Variants in BRINP3 observed in about 807,000 individuals in gnomAD.
BRINP3 encodes the protein BMP/retinoic acid inducible neural specific 3, also known as BMP/retinoic acid-inducible neural-specific protein 3.
Under a neutral mutation model 71.0 loss-of-function variants are expected in BRINP3, and 19 were observed. That is an observed-to-expected ratio of 0.27 (90% CI 0.19 to 0.39). The LOEUF (loss-of-function observed/expected upper bound fraction) is 0.39. BRINP3 is among the 10% of genes least tolerant of loss of function. BRINP3 has a pLI of 1.00. For missense variants in BRINP3, 959 were observed against 940.8 expected, an observed-to-expected ratio of 1.02 and a Z score of -0.25; for synonymous variants, 380 against 337.7, an observed-to-expected ratio of 1.13 and a Z score of -1.37.
intron 2 of BRINP3, among the ~76,000 whole-genome samples, chr1:190,314,579 G>A (rs1665756151): frequency 6.6e-6 from 1 of 152,154 alleles, no homozygotes; most frequent in South Asian, 2.1e-4. Context: ...GCCAAGAGAT[G>A]TCAGTGGCCT....
intron 2 of BRINP3, among the ~76,000 whole-genome samples, chr1:190,355,146 G>A (rs1374334025): frequency 6.6e-6 from 1 of 151,742 alleles, no homozygotes; most frequent in African/African-American, 2.4e-5. Context: ...TTAATAAACA[G>A]ATAGTATTAA....
At chr1:190,099,593 GC>G (rs1411809460) in intron 7 of BRINP3, among the ~76,000 whole-genome samples, 1 of 152,088 alleles carries the variant, frequency 6.6e-6, no homozygotes, top group African/African-American at 2.4e-5. Context: ...TTTACTCTTA[GC>G]TTTATAAACC....
chr1:190,343,884 T>C (rs1667833975), intron 2 of BRINP3, among the ~76,000 whole-genome samples: 1 of 151,702 alleles, frequency 6.6e-6, no homozygotes, highest in African/African-American at 2.4e-5. Flanking sequence ...CTTATTCCTA[T>C]AGACTTGTTC....
At chr1:190,322,352 C>T (rs1005358513) in intron 2 of BRINP3, among the ~76,000 whole-genome samples, 1 of 152,050 alleles carries the variant, frequency 6.6e-6, no homozygotes, top group Non-Finnish European at 1.5e-5. Context: ...CTGAGGATTG[C>T]TTTGCTCTCA....
chr1:190,333,643 G>T (rs1186300770), intron 2 of BRINP3, among the ~76,000 whole-genome samples: 1 of 151,842 alleles, frequency 6.6e-6, no homozygotes. Context: ...TCTATGAATA[G>T]CTTGTAGGAC....
intron 7 of BRINP3, among the ~76,000 whole-genome samples, chr1:190,144,770 C>T (rs1234381551): frequency 1.3e-5 from 2 of 152,052 alleles, no homozygotes; most frequent in Non-Finnish European, 2.9e-5. Flanking sequence ...TCCCCAATAA[C>T]TCTTTGACTA....
At chr1:190,156,338 G>A (rs1442200234) in intron 7 of BRINP3, among the ~76,000 whole-genome samples, 1 of 151,918 alleles carries the variant, frequency 6.6e-6, no homozygotes, top group African/African-American at 2.4e-5. Context: ...AAAAGTTCAA[G>A]GGAATGACTG....
At chr1:190,278,790 A>G (rs549133334) in intron 3 of BRINP3, among the ~76,000 whole-genome samples, 8 of 151,784 alleles carry the variant, frequency 5.3e-5, no homozygotes, top group African/African-American at 1.9e-4. Flanking sequence ...TCATTTAGAG[A>G]GAGCATACTG....
intron 2 of BRINP3, among the ~76,000 whole-genome samples, chr1:190,384,906 A>G (rs1447359502): frequency 6.6e-6 from 1 of 152,048 alleles, no homozygotes; most frequent in Non-Finnish European, 1.5e-5. Flanking sequence ...GCCCTCAGAA[A>G]TAATGCCACA....
intron 6 of BRINP3, among the ~76,000 whole-genome samples, chr1:190,183,044 T>C (rs941885685): frequency 8.5e-5 from 13 of 152,122 alleles, no homozygotes; most frequent in African/African-American, 2.9e-4. Context: ...TAAATGAGCG[T>C]AGAAGTACAC....
intron 2 of BRINP3, among the ~76,000 whole-genome samples, chr1:190,357,905 G>A (rs1156609768): frequency 6.6e-6 from 1 of 151,922 alleles, no homozygotes; most frequent in East Asian, 1.9e-4. Context: ...AACAAGAAAT[G>A]GGGAAACGAT....
rs149364480 is a variant in BRINP3 at position 190,398,981 on chromosome 1, T to C, written c.236+55674A>G. 2.5e-3 allele frequency among the ~76,000 whole-genome samples: 375 copies of C among 152,168 alleles called. 3 individuals are homozygous for C. Among genetic ancestry groups the C allele is most frequent in the Non-Finnish European group, 2.1e-3 (144 of 67,904 alleles). Reference sequence around the variant, plus strand: ...GACTTTATTAAAGAGTGGTCATATGTCCATCATTGGTCAGGTTTCATGGCT... The same window carrying C: ...GACTTTATTAAAGAGTGGTCATATGCCCATCATTGGTCAGGTTTCATGGCT... On this transcript the variant is annotated intron_variant, in intron 2 of 7. Coordinates refer to ENST00000367462, the MANE Select transcript of BRINP3 (RefSeq NM_199051.3).
intron 2 of BRINP3, among the ~76,000 whole-genome samples, chr1:190,448,463 T>TTG (rs67524700): frequency 0.033 from 4,151 of 125,090 alleles, 130 homozygotes; most frequent in Admixed American, 0.1. Context: ...CACTTGGGGT[T>TTG]TGTGTGTGTG....
rs756836631 is a variant in BRINP3, at chr1:190,180,628, G to C, written c.962-19738C>G. 1.1e-3 allele frequency among the ~76,000 whole-genome samples: 162 copies of C among 152,060 alleles called. 1 individual carries two copies. Among genetic ancestry groups the C allele is most frequent in the African/African-American group, 3.9e-3 (160 of 41,512 alleles). ...CTAAGAAGGTTTGTGATGTTTAAAT[G>C]AATTGATAAATAAATTGCTTAACAA... On this transcript the variant is annotated intron_variant, in intron 6 of 7. Coordinates refer to ENST00000367462, the MANE Select transcript of BRINP3 (RefSeq NM_199051.3).
chr1:190,193,356 TAAAG>T (rs1400604041), intron 6 of BRINP3, among the ~76,000 whole-genome samples: 1 of 152,232 alleles, frequency 6.6e-6, no homozygotes, highest in African/African-American at 2.4e-5. Context: ...TTGTGAAAGA[TAAAG>T]AAACTGATTT....
intron 2 of BRINP3, among the ~76,000 whole-genome samples, chr1:190,406,665 T>A (rs758015936): frequency 9.2e-5 from 14 of 152,074 alleles, no homozygotes; most frequent in Non-Finnish European, 1.8e-4. Context: ...GGACAAGGAG[T>A]TTCTTCCAAA....
intron 2 of BRINP3, among the ~76,000 whole-genome samples, chr1:190,336,475 A>C (rs1571783842): frequency 6.6e-6 from 1 of 152,058 alleles, no homozygotes; most frequent in African/African-American, 2.4e-5. Flanking sequence ...AAAAAATCCC[A>C]AAATCAAGCT....
At chr1:190,212,758 T>C (rs1656093900) in intron 6 of BRINP3, among the ~76,000 whole-genome samples, 1 of 152,084 alleles carries the variant, frequency 6.6e-6, no homozygotes, top group South Asian at 2.1e-4. Flanking sequence ...TGCTTTCCCA[T>C]TGCCTCCATT....
intron 2 of BRINP3, among the ~76,000 whole-genome samples, chr1:190,314,966 G>A (rs575800145): frequency 3.8e-4 from 58 of 152,146 alleles, no homozygotes; most frequent in African/African-American, 1.4e-3. Context: ...ACTTTATCAG[G>A]GGGCTAAAAT....
Sources: allele counts gnomAD v4.1 joint callset (sites outside exome capture counted in the v4.1 genomes callset), GRCh38; gene constraint gnomAD v4.1.1; transcripts MANE v1.5; gene names NCBI Gene and HGNC (gene_info 2026-07-23, HGNC 2026-07-21).